The following MZT2A variants were observed in gnomAD, a reference collection of about 807,000 sequenced individuals.
MZT2A encodes mitotic-spindle organizing protein 2A.
MZT2A carries 8 observed loss-of-function variants against 12.4 expected under a neutral mutation model. The observed-to-expected ratio is 0.64, with a 90% CI of 0.38 to 1.16. The LOEUF (loss-of-function observed/expected upper bound fraction) is 1.16, where lower values mean the gene tolerates loss of function less well. MZT2A is among the 50% of genes most tolerant of loss of function. MZT2A has a pLI of 0.01. For missense variants in MZT2A, 181 were observed against 223.6 expected, an observed-to-expected ratio of 0.81 and a Z score of 1.22; for synonymous variants, 88 against 107.5, an observed-to-expected ratio of 0.82 and a Z score of 1.12.
downstream of MZT2A, among the ~76,000 whole-genome samples, chr2:131,481,052 C>T (rs1305660664): frequency 1.7e-4 from 26 of 151,748 alleles, no homozygotes; most frequent in African/African-American, 6.0e-4. Context: ...TACAGGTACC[C>T]GCTACCACGC....
chr2:131,473,855 A>G (rs1678550515), intron 2 of MZT2A, among the ~76,000 whole-genome samples: 1 of 143,450 alleles, frequency 7.0e-6, no homozygotes, highest in African/African-American at 3.0e-5. Flanking sequence ...CCTGTTGTCC[A>G]TAAACCCACT....
In MZT2A at chr2:131,476,192, A is replaced by T. The variant is rs1373803378; in HGVS notation, c.279-4010T>A. 1.9e-6 allele frequency: 3 copies of T among 1,613,956 alleles called. No homozygotes were observed. The Admixed American group carries it at 5.0e-5, about 27-fold the overall frequency. On this transcript the variant is annotated intron_variant and NMD_transcript_variant, in intron 2 of 4. Coordinates refer to the MZT2A transcript ENST00000427024. ...CAGTAGCGTTGGGCTGAAGCAGCGG[A>T]GTTCGCCATGGTAAGGCCCGGGTCA...
chr2:131,486,184 A>C (rs6746103), intron 2 of MZT2A, among the ~76,000 whole-genome samples: 28,133 of 150,298 alleles, frequency 0.19, 2,866 homozygotes, highest in South Asian at 0.25. Flanking sequence ...AGCAGTGACT[A>C]GTGAAAAAGG....
intron 2 of MZT2A, among the ~76,000 whole-genome samples, chr2:131,474,960 T>A (rs975708449): frequency 6.6e-6 from 1 of 151,984 alleles, no homozygotes; most frequent in African/African-American, 2.4e-5. Context: ...TTGGCCCAAA[T>A]AAACTCTATT....
At position 131,476,150 on chromosome 2, in the gene MZT2A, A is replaced by G. The variant is rs200462472; in HGVS notation, c.279-3968T>C. 914 of 1,613,304 alleles carry G rather than the reference A, an allele frequency of 5.7e-4. 10 individuals carry two copies. The East Asian group carries it at 0.018, about 32-fold the overall frequency. On this transcript the variant is annotated intron_variant and NMD_transcript_variant, in intron 2 of 4. Transcript: ENST00000427024. ...CAGTTGGGCGCTCAGCAGCTGTGGCAGCCGGTTGAGGTCTGGCAGTAGCGT... is the reference window on the plus strand; with the variant it reads ...CAGTTGGGCGCTCAGCAGCTGTGGCGGCCGGTTGAGGTCTGGCAGTAGCGT...
At position 131,484,157 on chromosome 2, in the gene MZT2A, G is replaced by A. The variant is rs774924364; in HGVS notation, c.381C>T (p.His127=). 9 of 1,613,982 alleles carry A rather than the reference G, an allele frequency of 5.6e-6. No individual in the cohort carries two copies. Among genetic ancestry groups the A allele is most frequent in the Middle Eastern group, 1.6e-4 (1 of 6,084 alleles). The part of the protein sequence containing the change: ...GVLALAERSN[H]EGSSQRMPRQ... ...GTGGCATCCTCTGGCTGGATCCCTCGTGGTTGCTGCGTTCCGCCAGGGCCA... is the reference window on the plus strand; with the variant it reads ...GTGGCATCCTCTGGCTGGATCCCTCATGGTTGCTGCGTTCCGCCAGGGCCA... Residue 127 remains histidine, a synonymous_variant, in exon 3 of 3, where the codon CAC becomes CAT. Transcript: ENST00000309451.
intron 2 of MZT2A, chr2:131,478,145 T>C: frequency 6.2e-7 from 1 of 1,605,980 alleles, no homozygotes; most frequent in Non-Finnish European, 8.5e-7. Flanking sequence ...TGGGTTCACT[T>C]TTATGTTCCT....
In MZT2A at chr2:131,491,064, C is replaced by T. The variant is rs962041128; in HGVS notation, c.319+812G>A. ...GCCTTCTCATGATGCCTGTGAGGGT[C>T]TCCTCCTGCTTCCAGGCAGGGAGCC... is the stretch of plus-strand genomic sequence containing the variant. On this transcript the variant is annotated intron_variant, in intron 2 of 2. Transcript: ENST00000309451. 3.5e-5 allele frequency: 37 copies of T among 1,043,160 alleles called. No individual in the cohort carries two copies. The African/African-American group carries it at 5.6e-4, about 16-fold the overall frequency. The allele number at this position is 1,043,160 out of a possible 1,614,324, so 64.6% of individuals were successfully genotyped here.
In MZT2A at chr2:131,492,301, C is replaced by T; in HGVS notation, c.76G>A (p.Ala26Thr). The T allele has an allele frequency of 1.3e-6, 2 of 1,543,942 alleles. No homozygotes were observed. The highest frequency in any genetic ancestry group is 1.7e-6 in the Non-Finnish European group (2 of 1,154,080). Residue 26 changes from alanine to threonine, a missense_variant, in exon 1 of 3, where the codon GCG becomes ACG. Transcript: ENST00000309451. The part of the protein sequence containing the change: ...PGLEAARQKL[A>T]LRRKKVLSTE... ...CTCAGCACCTTCTTGCGCCGCAGCG[C>T]CAGCTTCTGCCGGGCCGCCTCCAGC...
downstream of MZT2A, chr2:131,482,438 G>A: frequency 1.4e-6 from 2 of 1,461,546 alleles, no homozygotes; most frequent in South Asian, 2.8e-5. Context: ...TTTGTGAGGT[G>A]AACTGAGCAT....
At chr2:131,487,763 T>C (rs111883843) in intron 2 of MZT2A, among the ~76,000 whole-genome samples, 3 of 152,292 alleles carry the variant, frequency 2.0e-5, no homozygotes, top group East Asian at 1.9e-4. Flanking sequence ...CTCATTCACT[T>C]TGGGGTTTTT....
chr2:131,490,561 G>A (rs1679250519), intron 2 of MZT2A: 1 of 1,507,850 alleles, frequency 6.6e-7, no homozygotes, highest in African/African-American at 1.4e-5. Flanking sequence ...AACCGAGTCA[G>A]AAATAGTGCC....
chr2:131,477,986 C>T (rs2105268916), intron 2 of MZT2A, among the ~76,000 whole-genome samples: 1 of 152,246 alleles, frequency 6.6e-6, no homozygotes, highest in Admixed American at 6.5e-5. Context: ...GTATGGTTTA[C>T]AGCAATTAGT....
chr2:131,492,734 C>A, upstream of MZT2A: 1 of 1,238,264 alleles, frequency 8.1e-7, no homozygotes, highest in Non-Finnish European at 1.0e-6. Context: ...TTCAAGAAAG[C>A]GTGCAATTTT....
intron 2 of MZT2A, among the ~76,000 whole-genome samples, chr2:131,485,851 G>A (rs1050532216): frequency 1.3e-5 from 2 of 151,962 alleles, no homozygotes; most frequent in African/African-American, 4.8e-5. Flanking sequence ...TGAACAAGCA[G>A]AGACTCCTGT....
downstream of MZT2A, among the ~76,000 whole-genome samples, chr2:131,481,714 C>T (rs972513179): frequency 7.2e-5 from 11 of 151,820 alleles, no homozygotes; most frequent in African/African-American, 2.4e-4. Context: ...ATTACAGGCA[C>T]GAGCCACTGC....
chr2:131,484,055 C>T lies in MZT2A; in HGVS notation c.*6G>A, dbSNP rs1487503199. Reference sequence around the variant, plus strand: ...GGACAAAGATGTGACAAGTCTCTGCCCCATCCTAGGTGCTGCCCTGCGTAG... The same window carrying T: ...GGACAAAGATGTGACAAGTCTCTGCTCCATCCTAGGTGCTGCCCTGCGTAG... On this transcript the variant is annotated 3_prime_UTR_variant, in exon 3 of 3. Transcript: ENST00000309451. 1 of 1,600,114 alleles carries T rather than the reference C, an allele frequency of 6.2e-7. No homozygotes were observed. The highest frequency in any genetic ancestry group is 8.5e-7 in the Non-Finnish European group (1 of 1,170,090).
chr2:131,478,161 C>T (rs1678737351), intron 2 of MZT2A: 1 of 1,611,660 alleles, frequency 6.2e-7, no homozygotes, highest in African/African-American at 1.3e-5. Flanking sequence ...TTCCTGTTCA[C>T]AGCGCGAGTG....
chr2:131,484,329 T>A, intron 2 of MZT2A, 111 bp from the exon 3 acceptor site: 16 of 1,495,580 alleles, frequency 1.1e-5, no homozygotes, highest in Non-Finnish European at 1.3e-5. Context: ...TCCATCAAAG[T>A]CGCTTCAGCT....
Sources: allele counts gnomAD v4.1 joint callset (sites outside exome capture counted in the v4.1 genomes callset), GRCh38; gene constraint gnomAD v4.1.1; transcripts MANE v1.5; gene names NCBI Gene and HGNC (gene_info 2026-07-23, HGNC 2026-07-21).